RABGAP1: variants seen among roughly 807,000 people sequenced by gnomAD.
The protein encoded by RABGAP1 is rab GTPase-activating protein 1.
RABGAP1 carries 23 observed loss-of-function variants against 137.6 expected under a neutral mutation model. The ratio of observed to expected loss-of-function variants is 0.17; its 90% CI spans 0.12 to 0.24. The LOEUF is 0.24. Among genes scored for constraint, RABGAP1 ranks in the 10% least tolerant of loss-of-function variants. The probability of loss-of-function intolerance (pLI) is 1.00; values close to 1 mark genes in which losing one functional copy is unlikely to be tolerated. For synonymous variants in RABGAP1, 451 were observed against 450.7 expected, an observed-to-expected ratio of 1.00 and a Z score of -0.01; for missense variants, 906 against 1,275.8, an observed-to-expected ratio of 0.71 and a Z score of 4.42.
intron 13 of RABGAP1, among the ~76,000 whole-genome samples, chr9:123,046,617 A>G (rs2033219448): frequency 6.6e-6 from 1 of 152,364 alleles, no homozygotes; most frequent in African/African-American, 2.4e-5. Flanking sequence ...GAGCTAATGC[A>G]TGTAAAGCTC....
chr9:122,970,971 C>T (rs1835435970), intron 2 of RABGAP1, among the ~76,000 whole-genome samples: 1 of 152,208 alleles, frequency 6.6e-6, no homozygotes, highest in African/African-American at 2.4e-5. Flanking sequence ...TGGAACTATA[C>T]ATATGGGCTG....
At chr9:123,007,524 C>G (rs938042840) in intron 10 of RABGAP1, among the ~76,000 whole-genome samples, 1 of 149,290 alleles carries the variant, frequency 6.7e-6, no homozygotes, top group East Asian at 1.9e-4. Context: ...ACCACAGATG[C>G]GCACCACCAC....
chr9:122,968,220 C>CTTTT (rs1008036959), intron 2 of RABGAP1, among the ~76,000 whole-genome samples: 7 of 122,894 alleles, frequency 5.7e-5, no homozygotes, highest in Admixed American at 8.8e-5. Context: ...TCAATTCTAC[C>CTTTT]TTTTTTTTTT....
At chr9:123,056,120 C>T (rs745526273) in intron 13 of RABGAP1, among the ~76,000 whole-genome samples, 1 of 152,108 alleles carries the variant, frequency 6.6e-6, no homozygotes, top group Non-Finnish European at 1.5e-5. Context: ...TATTAGATAC[C>T]AAAATATAGA....
intron 4 of RABGAP1, among the ~76,000 whole-genome samples, chr9:122,987,545 A>G (rs1836435943): frequency 6.6e-6 from 1 of 152,016 alleles, no homozygotes; most frequent in African/African-American, 2.4e-5. Context: ...TGTACATACC[A>G]TCTTGTACTT....
At chr9:123,012,365 C>G (rs1326266191) in intron 11 of RABGAP1, among the ~76,000 whole-genome samples, 1 of 152,000 alleles carries the variant, frequency 6.6e-6, no homozygotes, top group Non-Finnish European at 1.5e-5. Flanking sequence ...TAACACTCAG[C>G]GATAAAAATA....
rs1588144106 is a variant in RABGAP1 at position 122,942,838 on chromosome 9, A to G, written c.-50+1745A>G. Among the ~76,000 whole-genome samples, 4 of 152,164 alleles carry G rather than the reference A, an allele frequency of 2.6e-5. No individual in the cohort carries two copies. In the South Asian group the frequency reaches 8.3e-4, roughly 32 times the overall value. On this transcript the variant is annotated intron_variant, in intron 1 of 25. Transcript: ENST00000373647. ...TAATTTTAATTCAAGATATTAACTCAGATTCATAATTAAAGTTGAAATATT... is the reference window on the plus strand; with the variant it reads ...TAATTTTAATTCAAGATATTAACTCGGATTCATAATTAAAGTTGAAATATT...
In RABGAP1 at chr9:123,035,626, G is replaced by T. The variant is rs772146335; in HGVS notation, c.1794+15167G>T. The T allele has an allele frequency of 4.0e-6, 6 of 1,497,760 alleles. No homozygotes were observed. In the South Asian group the frequency reaches 4.9e-5, roughly 12 times the overall value. The allele number at this position is 1,497,760 out of a possible 1,614,324, so 92.8% of individuals were successfully genotyped here. On this transcript the variant is annotated intron_variant, in intron 13 of 25. Coordinates refer to ENST00000373647, the MANE Select transcript of RABGAP1 (RefSeq NM_012197.4). ...TGGATGTCATATCTGAAGTGGCTCA[G>T]TTACGGGGTTCCCGTGTGTGTGTGT...
At chr9:122,942,873 A>G (rs1833679334) in intron 1 of RABGAP1, among the ~76,000 whole-genome samples, 1 of 151,922 alleles carries the variant, frequency 6.6e-6, no homozygotes, top group African/African-American at 2.4e-5. Context: ...TTGTGGCGTG[A>G]GGTGATTCAT....
intron 8 of RABGAP1, 33 bp downstream of exon 8, chr9:122,996,638 C>G (rs531790021): frequency 2.7e-6 from 4 of 1,507,418 alleles, no homozygotes; most frequent in East Asian, 4.5e-5. Context: ...AAGTTACATA[C>G]TATTTCCTCA....
Position 123,088,415 on chromosome 9 carries a change from C to T in RABGAP1, c.2425-1343C>T, listed in dbSNP as rs529671822. On this transcript the variant is annotated intron_variant, in intron 19 of 25. Coordinates refer to ENST00000373647, the MANE Select transcript of RABGAP1 (RefSeq NM_012197.4). ...ATCACTTTTCTATTATATCTCATAACTTTTGAACATGTAATTTAAAACAAT... is the reference window on the plus strand; with the variant it reads ...ATCACTTTTCTATTATATCTCATAATTTTTGAACATGTAATTTAAAACAAT... Among the ~76,000 whole-genome samples the T allele has an allele frequency of 4.6e-5, 7 of 152,094 alleles. No individual in the cohort carries two copies. In the East Asian group the frequency reaches 1.2e-3, roughly 25 times the overall value.
intron 13 of RABGAP1, among the ~76,000 whole-genome samples, chr9:123,056,216 CT>C (rs1318083070): frequency 6.6e-6 from 1 of 152,208 alleles, no homozygotes; most frequent in African/African-American, 2.4e-5. Context: ...ATGGTAATAT[CT>C]TTTTAAATGT....
Position 122,997,247 on chromosome 9 carries a change from CT to C in RABGAP1, c.1102-5del. On this transcript the variant is annotated splice_polypyrimidine_tract_variant and intron_variant, in intron 8 of 25. Transcript: ENST00000373647. ...TGTGGCATTCGGGTTTATTTTTACT[CT>C]TTTTTTCTAGGAATCTATGGGCAAA... 2 of 1,586,870 alleles carry C rather than the reference CT, an allele frequency of 1.3e-6. No individual in the cohort carries two copies. The highest frequency in any genetic ancestry group is 1.4e-5 in the African/African-American group (1 of 73,670).
chr9:122,957,480 C>G (rs1588166536), intron 2 of RABGAP1, among the ~76,000 whole-genome samples: 3 of 152,106 alleles, frequency 2.0e-5, no homozygotes, highest in Admixed American at 2.0e-4. Flanking sequence ...ATTGTTTTCA[C>G]TTTTCCATTG....
chr9:123,057,147 C>T (rs1300915849), intron 13 of RABGAP1, among the ~76,000 whole-genome samples: 12 of 146,152 alleles, frequency 8.2e-5, no homozygotes, highest in African/African-American at 2.3e-4. Flanking sequence ...GCTGGCCTGG[C>T]GGGGGCTGAC....
chr9:123,074,006 C>T (rs1158066707), intron 16 of RABGAP1, among the ~76,000 whole-genome samples: 5 of 152,168 alleles, frequency 3.3e-5, no homozygotes, highest in African/African-American at 1.2e-4. Context: ...GTGAAACAAA[C>T]TTTCCCAAAT....
At chr9:123,071,045 A>C (rs1211390684) in intron 15 of RABGAP1, among the ~76,000 whole-genome samples, 4 of 152,192 alleles carry the variant, frequency 2.6e-5, no homozygotes, top group Non-Finnish European at 4.4e-5. Context: ...TCTTGAAAGT[A>C]AATAACAAAC....
intron 1 of RABGAP1, among the ~76,000 whole-genome samples, chr9:122,948,310 G>A (rs1588152373): frequency 1.3e-5 from 2 of 152,170 alleles, no homozygotes; most frequent in East Asian, 3.9e-4. Context: ...GGAATTGGGA[G>A]AGGATGGAGA....
chr9:123,065,962 G>A (rs752739874), intron 14 of RABGAP1, among the ~76,000 whole-genome samples: 5 of 152,278 alleles, frequency 3.3e-5, no homozygotes, highest in East Asian at 1.9e-4. Context: ...TTCAATTTCC[G>A]TATTCCATTT....
Sources: gnomAD v4.1 joint callset for allele counts (sites outside exome capture counted in the v4.1 genomes callset) on GRCh38, gnomAD v4.1.1 for gene constraint, MANE v1.5 for transcripts, NCBI Gene and HGNC (gene_info 2026-07-23, HGNC 2026-07-21) for gene names.